Variants in SMOX observed in about 807,000 individuals in gnomAD.
SMOX encodes spermine oxidase.
Under a neutral mutation model 51.0 loss-of-function variants are expected in SMOX, and 22 were observed. The ratio of observed to expected loss-of-function variants is 0.43; its 90% CI spans 0.31 to 0.62. The LOEUF is 0.62. Ranked by LOEUF, SMOX falls within the 20% of genes least tolerant of loss-of-function variation. SMOX has a pLI of 0.10. For synonymous variants in SMOX, 282 were observed against 307.8 expected, an observed-to-expected ratio of 0.92 and a Z score of 0.88; for missense variants, 566 against 777.7, an observed-to-expected ratio of 0.73 and a Z score of 3.24.
At position 4,182,234 on chromosome 20, in the gene SMOX, C is replaced by T. The variant is rs1373427554; in HGVS notation, c.755C>T (p.Ala252Val). ...GAGCTGCTGGCGGAGGGCATCCCTG[C>T]CCACGTCATCCAGCTAGGGAAACCT... ...VVELLAEGIP[A>V]HVIQLGKPVR... is the part of the protein sequence containing the mutation. The change falls in exon 5 of 7, where the codon GCC (alanine) becomes GTC (valine). Residue 252 changes from alanine to valine, a missense_variant. Coordinates refer to ENST00000305958, the MANE Select transcript of SMOX (RefSeq NM_175839.3). The surrounding 1 kb of genome is among the most constrained non-coding windows in gnomAD (Gnocchi z 8.4). 1 of 1,613,666 alleles carries T rather than the reference C, an allele frequency of 6.2e-7. No homozygotes were observed. The highest frequency in any genetic ancestry group is 8.5e-7 in the Non-Finnish European group (1 of 1,179,988).
Position 4,170,596 on chromosome 20 carries a change from T to G in SMOX, c.-26-4434T>G, listed in dbSNP as rs1035943725. ...GTCAAAATGAAATTGGGGAGGATGT[T>G]CCAGGGATGGGATGAAGAAGTGGCA... On this transcript the variant is annotated intron_variant, in intron 1 of 6. Coordinates refer to ENST00000305958, the MANE Select transcript of SMOX (RefSeq NM_175839.3). The surrounding 1 kb of genome is among the most constrained non-coding windows in gnomAD (Gnocchi z 4.6). 9.9e-5 allele frequency among the ~76,000 whole-genome samples: 15 copies of G among 152,110 alleles called. No individual in the cohort carries two copies. Among genetic ancestry groups the G allele is most frequent in the African/African-American group, 3.6e-4 (15 of 41,404 alleles).
chr20:4,182,339 A>G lies in SMOX; in HGVS notation c.860A>G (p.Asn287Ser). The G allele has an allele frequency of 1.3e-6, 2 of 1,593,952 alleles. No individual in the cohort carries two copies. Among genetic ancestry groups the G allele is most frequent in the Non-Finnish European group, 1.7e-6 (2 of 1,166,706 alleles). Residue 287 changes from asparagine to serine, a missense_variant, in exon 5 of 7, where the codon AAT becomes AGT. Physicochemically the swap from Asn to Ser is conservative, Grantham distance 46. This residue lies in a region of SMOX where 347 missense variants were observed against 481.8 expected (regional missense o/e 0.72). Transcript: ENST00000305958. The surrounding 1 kb of genome is among the most constrained non-coding windows in gnomAD (Gnocchi z 8.4). ...GAGCCCCGGGGTGAGGGCGACCACA[A>G]TCACGACACTGGGGAGGGTGGCCAG... is the stretch of plus-strand genomic sequence containing the variant. Reference protein sequence around the residue: ...EIEPRGEGDHNHDTGEGGQGG... With the variant: ...EIEPRGEGDHSHDTGEGGQGG...
intron 6 of SMOX, among the ~76,000 whole-genome samples, chr20:4,185,417 C>T (rs1391686778): frequency 1.3e-5 from 2 of 152,046 alleles, no homozygotes; most frequent in East Asian, 1.9e-4. Context: ...GATTCTCAGC[C>T]TGGCCAACAT....
intron 1 of SMOX, among the ~76,000 whole-genome samples, chr20:4,162,094 C>T (rs1208281775): frequency 2.0e-5 from 3 of 152,196 alleles, no homozygotes; most frequent in Non-Finnish European, 4.4e-5. Flanking sequence ...AGGTGTGCCT[C>T]CTGCCCTTCC....
intron 1 of SMOX, among the ~76,000 whole-genome samples, chr20:4,150,220 T>TA (rs1438394710): frequency 3.3e-5 from 5 of 152,188 alleles, no homozygotes; most frequent in Non-Finnish European, 1.5e-5. Context: ...CTTCTTCCCT[T>TA]CACAGCAAAA....
At position 4,182,032 on chromosome 20, in the gene SMOX, C is replaced by T; in HGVS notation, c.609+56C>T. The T allele has an allele frequency of 1.9e-6, 3 of 1,595,034 alleles. No individual in the cohort carries two copies. The highest frequency in any genetic ancestry group is 2.3e-5 in the South Asian group (2 of 88,328). On this transcript the variant is annotated intron_variant, in intron 4 of 6. Coordinates refer to ENST00000305958, the MANE Select transcript of SMOX (RefSeq NM_175839.3). The surrounding 1 kb of genome is among the most constrained non-coding windows in gnomAD (Gnocchi z 8.4). ...TCTGGGTCTGAGGAGGGCTACGCTG[C>T]TCCTACCCCTGCCCAACCCCGGCGG...
rs532309569 is a variant in SMOX, at chr20:4,153,408, C to T, written c.-27+4431C>T. ...TAGACTCTGAAAGGAGGAAAGGCTTCCCCTGGGATGCCAGGCTGAGGAACT... is the reference window on the plus strand; with the variant it reads ...TAGACTCTGAAAGGAGGAAAGGCTTTCCCTGGGATGCCAGGCTGAGGAACT... On this transcript the variant is annotated intron_variant, in intron 1 of 6. Coordinates refer to ENST00000305958, the MANE Select transcript of SMOX (RefSeq NM_175839.3). The surrounding 1 kb of genome is among the most constrained non-coding windows in gnomAD (Gnocchi z 4.4). Among the ~76,000 whole-genome samples, 5 of 152,246 alleles carry T rather than the reference C, an allele frequency of 3.3e-5. No individual in the cohort carries two copies. Among genetic ancestry groups the T allele is most frequent in the East Asian group, 1.9e-4 (1 of 5,176 alleles).
rs1358541241 is a variant in SMOX at position 4,183,898 on chromosome 20, A to ATGCTG, written c.1530+250_1530+254dup. On this transcript the variant is annotated intron_variant, in intron 6 of 6. Transcript: ENST00000305958. This position sits in a 1 kb window ranked among gnomAD's most constrained non-coding sequence, Gnocchi z 4.3. ...GATGTTATGAAAACTGAGCTATTCC[A>ATGCTG]TGCTGTGCTGGCCAATACGGTAGCT... Among the ~76,000 whole-genome samples the ATGCTG allele has an allele frequency of 1.3e-5, 2 of 152,238 alleles. No homozygotes were observed. Among genetic ancestry groups the ATGCTG allele is most frequent in the Non-Finnish European group, 2.9e-5 (2 of 68,046 alleles).
chr20:4,181,970 C>T lies in SMOX; in HGVS notation c.603C>T (p.Tyr201=). 2 of 1,613,928 alleles carry T rather than the reference C, an allele frequency of 1.2e-6. No homozygotes were observed. The highest frequency in any genetic ancestry group is 1.7e-6 in the Non-Finnish European group (2 of 1,179,946). The part of the protein sequence containing the change: ...KRLKLAMIQQ[Y]LKVESCESSS... Reference sequence around the variant, plus strand: ...TGAAGCTCGCCATGATCCAGCAGTACCTGAAGGTATCTTGAGGAAGACGGA... The same window carrying T: ...TGAAGCTCGCCATGATCCAGCAGTATCTGAAGGTATCTTGAGGAAGACGGA... Residue 201 remains tyrosine (Y), a synonymous_variant, in exon 4 of 7, where the codon TAC becomes TAT. Transcript: ENST00000305958. The surrounding 1 kb of genome is among the most constrained non-coding windows in gnomAD (Gnocchi z 5.6).
chr20:4,161,950 C>T (rs543351497), intron 1 of SMOX, among the ~76,000 whole-genome samples: 33 of 152,366 alleles, frequency 2.2e-4, no homozygotes, highest in African/African-American at 6.0e-4. Flanking sequence ...ACGTGCCCCC[C>T]GCCTGCCCGG....
intron 1 of SMOX, among the ~76,000 whole-genome samples, chr20:4,150,339 A>G (rs1175613270): frequency 6.6e-6 from 1 of 152,116 alleles, no homozygotes; most frequent in Middle Eastern, 3.2e-3. Flanking sequence ...AGCCTCAGCC[A>G]AGCTCTCCAG....
chr20:4,184,897 C>T lies in SMOX; in HGVS notation c.1530+1243C>T, dbSNP rs182658965. Among the ~76,000 whole-genome samples, 5 of 152,332 alleles carry T rather than the reference C, an allele frequency of 3.3e-5. No individual in the cohort carries two copies. In the East Asian group the frequency reaches 5.8e-4, roughly 18 times the overall value. On this transcript the variant is annotated intron_variant, in intron 6 of 6. Coordinates refer to ENST00000305958, the MANE Select transcript of SMOX (RefSeq NM_175839.3). ...AATCTGGAGGCAGGCAGCAGGATCC[C>T]GTATCATTAGCACCTGGCTCTCATC... is the stretch of plus-strand genomic sequence containing the variant.
At position 4,181,784 on chromosome 20, in the gene SMOX, C is replaced by T. The variant is rs1979342107; in HGVS notation, c.436-19C>T. 1 of 1,611,462 alleles carries T rather than the reference C, an allele frequency of 6.2e-7. No individual in the cohort carries two copies. The highest frequency in any genetic ancestry group is 1.7e-5 in the Admixed American group (1 of 59,872). ...AGGTGTGATGAGGTGTTTTCAGTCT[C>T]ATGGGGTCTCTCTGGCAGGTCTATA... On this transcript the variant is annotated intron_variant, in intron 3 of 6. Transcript: ENST00000305958. The surrounding 1 kb of genome is among the most constrained non-coding windows in gnomAD (Gnocchi z 5.6).
intron 1 of SMOX, among the ~76,000 whole-genome samples, chr20:4,157,962 G>T (rs942580781): frequency 6.6e-6 from 1 of 151,888 alleles, no homozygotes; most frequent in East Asian, 1.9e-4. Context: ...GTGCAGCGGC[G>T]CGATCTCGGC....
In SMOX at chr20:4,177,313, TC is replaced by T. The variant is rs1978938771; in HGVS notation, c.209-35del. On this transcript the variant is annotated intron_variant, in intron 2 of 6. Transcript: ENST00000305958. The surrounding 1 kb of genome is among the most constrained non-coding windows in gnomAD (Gnocchi z 4.3). ...GCAGTGCTGGCCCTCTCTGGAGAAG[TC>T]CCTAAGCCTCTAAGGGCCTGCTGTT... The T allele has an allele frequency of 6.6e-7, 1 of 1,522,692 alleles. No homozygotes were observed. The allele number at this position is 1,522,692 out of a possible 1,614,324, so 94.3% of individuals were successfully genotyped here.
intron 1 of SMOX, among the ~76,000 whole-genome samples, chr20:4,169,932 G>A (rs1433082209): frequency 3.3e-5 from 5 of 152,064 alleles, no homozygotes; most frequent in Non-Finnish European, 5.9e-5. Context: ...CTGTGTGTAT[G>A]TTTTGGCGGG....
At chr20:4,165,890 C>G (rs6139342) in intron 1 of SMOX, among the ~76,000 whole-genome samples, 69,428 of 151,990 alleles carry the variant, frequency 0.46, 17,390 homozygotes, top group Non-Finnish European at 0.56. Flanking sequence ...CCTACCTCTG[C>G]AAGATCTGGA....
Position 4,167,359 on chromosome 20 carries a change from T to C in SMOX, c.-26-7671T>C, listed in dbSNP as rs901651724. On this transcript the variant is annotated intron_variant, in intron 1 of 6. Coordinates refer to ENST00000305958, the MANE Select transcript of SMOX (RefSeq NM_175839.3). This position sits in a 1 kb window ranked among gnomAD's most constrained non-coding sequence, Gnocchi z 4.8. ...GAAAGGTGACTTCTGTACTGGTCTCTTTGGGGATCTTCCTCCCTCTCCCGC... is the reference window on the plus strand; with the variant it reads ...GAAAGGTGACTTCTGTACTGGTCTCCTTGGGGATCTTCCTCCCTCTCCCGC... Among the ~76,000 whole-genome samples, 8 of 152,136 alleles carry C rather than the reference T, an allele frequency of 5.3e-5. No homozygotes were observed. Among genetic ancestry groups the C allele is most frequent in the African/African-American group, 1.9e-4 (8 of 41,432 alleles).
rs963136925 is a variant in SMOX, at chr20:4,166,641, G to T, written c.-26-8389G>T. On this transcript the variant is annotated intron_variant, in intron 1 of 6. Coordinates refer to ENST00000305958, the MANE Select transcript of SMOX (RefSeq NM_175839.3). The surrounding 1 kb of genome is among the most constrained non-coding windows in gnomAD (Gnocchi z 4.2). Reference sequence around the variant, plus strand: ...CACCTTATGCCTCCCAGGCAAAAGGGTCCTGAAACAATGAACCTCGGTGGT... The same window carrying T: ...CACCTTATGCCTCCCAGGCAAAAGGTTCCTGAAACAATGAACCTCGGTGGT... Among the ~76,000 whole-genome samples, 8 of 152,178 alleles carry T rather than the reference G, an allele frequency of 5.3e-5. No individual in the cohort carries two copies. The highest frequency in any genetic ancestry group is 1.9e-4 in the African/African-American group (8 of 41,446).
Sources: allele counts gnomAD v4.1 joint callset (sites outside exome capture counted in the v4.1 genomes callset), GRCh38; gene constraint gnomAD v4.1.1; regional missense constraint gnomAD v4.1.1; non-coding constraint Gnocchi (gnomAD v3.1); transcripts MANE v1.5; gene names NCBI Gene and HGNC (gene_info 2026-07-23, HGNC 2026-07-21).